DOCK9: variants seen among roughly 807,000 people sequenced by gnomAD.
DOCK9 encodes the protein dedicator of cytokinesis protein 9.
A neutral mutation model predicts 263.3 loss-of-function variants in DOCK9; 89 were observed. The observed-to-expected ratio is 0.34, with a 90% CI of 0.28 to 0.40. The LOEUF (loss-of-function observed/expected upper bound fraction) is 0.40, where lower values mean the gene tolerates loss of function less well. Ranked by LOEUF, DOCK9 falls within the 10% of genes least tolerant of loss-of-function variation. The pLI is 1.00. For missense variants in DOCK9, 2,140 were observed against 2,603.4 expected (o/e 0.82, Z 3.87); for synonymous variants, 976 against 973.1 (o/e 1.00, Z -0.06).
At chr13:98,937,169 T>C (rs1455013640) in intron 2 of DOCK9, among the ~76,000 whole-genome samples, 1 of 152,196 alleles carries the variant, frequency 6.6e-6, no homozygotes, top group East Asian at 1.9e-4. Flanking sequence ...AAACAAGCCA[T>C]TTCCATTCCG....
chr13:99,061,522 C>A (rs1448129198), intron 1 of DOCK9, among the ~76,000 whole-genome samples: 2 of 152,190 alleles, frequency 1.3e-5, no homozygotes, highest in Non-Finnish European at 2.9e-5. Flanking sequence ...TAGTGCCAAG[C>A]AAATCTGGAA....
intron 24 of DOCK9, 115 bp from the exon 25 acceptor site, chr13:98,881,742 A>G: frequency 7.8e-7 from 1 of 1,278,300 alleles, no homozygotes. Flanking sequence ...AAACAAGGAG[A>G]CAAGGAATTA....
intron 24 of DOCK9, 75 bp downstream of exon 24, chr13:98,881,817 T>A: frequency 7.4e-7 from 1 of 1,359,262 alleles, no homozygotes; most frequent in South Asian, 1.3e-5. Context: ...CACAGTAGCA[T>A]CCCAGCTATG....
intron 2 of DOCK9, chr13:98,949,655 T>C (rs1812653470): frequency 1.6e-5 from 3 of 184,144 alleles, no homozygotes; most frequent in South Asian, 2.4e-4. Flanking sequence ...AGATACTTGA[T>C]AATAATTCCA....
At chr13:99,025,678 G>A (rs1886623959) in intron 1 of DOCK9, among the ~76,000 whole-genome samples, 1 of 152,208 alleles carries the variant, frequency 6.6e-6, no homozygotes, top group Non-Finnish European at 1.5e-5. Flanking sequence ...GTTACCGTAT[G>A]ATCCAGCAAT....
chr13:98,994,499 T>C (rs1337332192), intron 1 of DOCK9, among the ~76,000 whole-genome samples: 1 of 152,210 alleles, frequency 6.6e-6, no homozygotes, highest in Admixed American at 6.5e-5. Flanking sequence ...GGCTGAGAAA[T>C]GCAGCACCAA....
intron 1 of DOCK9, among the ~76,000 whole-genome samples, chr13:99,072,347 G>A (rs2041717645): frequency 6.6e-6 from 1 of 152,208 alleles, no homozygotes; most frequent in Non-Finnish European, 1.5e-5. Flanking sequence ...AGGACATTGT[G>A]TTTGGGAACA....
intron 33 of DOCK9, chr13:98,857,868 A>G (rs1353893622): frequency 6.6e-6 from 1 of 152,254 alleles, no homozygotes; most frequent in Non-Finnish European, 1.5e-5. Flanking sequence ...TGAAAAAACT[A>G]TGGCCTTTTT....
At chr13:98,827,727 C>T (rs111359902) in intron 43 of DOCK9, among the ~76,000 whole-genome samples, 113 of 152,310 alleles carry the variant, frequency 7.4e-4, no homozygotes, top group African/African-American at 2.5e-3. Flanking sequence ...TTCATGCCTC[C>T]CACGTGTGTC....
chr13:98,948,054 T>C (rs1261975803), intron 2 of DOCK9, among the ~76,000 whole-genome samples: 1 of 152,248 alleles, frequency 6.6e-6, no homozygotes. Flanking sequence ...TAAGTTTTTT[T>C]CTTTTCAAAA....
At chr13:98,856,258 G>C (rs1312585743) in intron 33 of DOCK9, 14 of 423,228 alleles carry the variant, frequency 3.3e-5, no homozygotes, top group Non-Finnish European at 5.5e-5. Context: ...TCACTTGTTA[G>C]AAACCACCTT....
intron 1 of DOCK9, among the ~76,000 whole-genome samples, chr13:99,036,089 T>A (rs1215665780): frequency 6.6e-6 from 1 of 152,174 alleles, no homozygotes; most frequent in African/African-American, 2.4e-5. Flanking sequence ...TCCATGATCG[T>A]TTAAGCCAAT....
chr13:98,816,165 A>C (rs1421348114), intron 45 of DOCK9, among the ~76,000 whole-genome samples: 4 of 152,154 alleles, frequency 2.6e-5, no homozygotes, highest in Non-Finnish European at 5.9e-5. Context: ...ATAATTTATA[A>C]AAATTACTCA....
At chr13:99,013,900 G>A (rs967213579) in intron 1 of DOCK9, among the ~76,000 whole-genome samples, 5 of 152,172 alleles carry the variant, frequency 3.3e-5, no homozygotes, top group South Asian at 2.1e-4. Flanking sequence ...AGAGGGCAAC[G>A]ACACCAACAG....
At chr13:98,809,131 TAAGA>T (rs2091029333) in intron 47 of DOCK9, 11 of 1,545,006 alleles carry the variant, frequency 7.1e-6, no homozygotes, top group Non-Finnish European at 9.6e-6. Context: ...ACCGCTGCCT[TAAGA>T]AAGTAATAAA....
intron 1 of DOCK9, among the ~76,000 whole-genome samples, chr13:99,024,772 T>C (rs896488700): frequency 1.3e-5 from 2 of 152,214 alleles, no homozygotes. Context: ...GTAATAATGA[T>C]ACTAATGTGG....
chr13:98,813,547 T>G (rs1177075692), intron 45 of DOCK9, among the ~76,000 whole-genome samples: 1 of 152,236 alleles, frequency 6.6e-6, no homozygotes, highest in African/African-American at 2.4e-5. Context: ...GAGCCAGCTA[T>G]GCACTCCCAG....
At chr13:99,044,519 A>G (rs1027038943) in intron 1 of DOCK9, among the ~76,000 whole-genome samples, 6 of 152,230 alleles carry the variant, frequency 3.9e-5, no homozygotes, top group Non-Finnish European at 7.3e-5. Context: ...CACCATGGCA[A>G]CCAGAAAGGA....
In DOCK9 at chr13:98,853,374, C is replaced by T. The variant is rs367741761; in HGVS notation, c.3946+34G>A. On this transcript the variant is annotated intron_variant, in intron 35 of 52. Transcript: ENST00000682017. The stretch of plus-strand genomic sequence containing the variant: ...AAACCAAACAAACCAAGTGCTGAAA[C>T]GAGCAAAACAGAAATCTCCATTTTT... 50 of 1,425,176 alleles carry T rather than the reference C, an allele frequency of 3.5e-5. 1 individual carries two copies. The highest frequency in any genetic ancestry group is 2.3e-4 in the African/African-American group (16 of 70,114). 88.3% of individuals were successfully genotyped at this position (1,425,176 alleles called of 1,614,324 possible).
Sources: gnomAD v4.1 joint callset for allele counts (sites outside exome capture counted in the v4.1 genomes callset) on GRCh38, gnomAD v4.1.1 for gene constraint, MANE v1.5 for transcripts, NCBI Gene and HGNC (gene_info 2026-07-23, HGNC 2026-07-21) for gene names.